Variants in TAFA5 observed in about 807,000 individuals in gnomAD.
TAFA5 encodes chemokine-like protein TAFA-5.
Under a neutral mutation model 15.3 loss-of-function variants are expected in TAFA5, and 6 were observed. That is an observed-to-expected ratio of 0.39 (90% confidence interval 0.21 to 0.77). TAFA5 has a LOEUF of 0.77. Among genes scored for constraint, TAFA5 ranks in the 30% least tolerant of loss-of-function variants. The pLI, the probability that TAFA5 is intolerant of heterozygous loss-of-function variation, is 0.41. For synonymous variants in TAFA5, 103 were observed against 80.7 expected (o/e 1.28, Z -1.48); for missense variants, 161 against 193.1 (o/e 0.83, Z 0.98).
At chr22:48,728,269 A>T (rs1929765778) in intron 3 of TAFA5, among the ~76,000 whole-genome samples, 1 of 152,204 alleles carries the variant, frequency 6.6e-6, no homozygotes. Flanking sequence ...GACTTACACC[A>T]AAAAATAAAA....
Position 48,552,554 on chromosome 22 carries a change from A to G in TAFA5, c.112+62850A>G, listed in dbSNP as rs1216720595. ...CATGGAGACTTCACAGCCCGGCGGA[A>G]CCCACGCCCATGCCCAGCTCTGCCT... On this transcript the variant is annotated intron_variant, in intron 1 of 3. Transcript: ENST00000402357. This position sits in a 1 kb window ranked among gnomAD's most constrained non-coding sequence, Gnocchi z 4.1. Among the ~76,000 whole-genome samples, 2 of 151,888 alleles carry G rather than the reference A, an allele frequency of 1.3e-5. No homozygotes were observed. Among genetic ancestry groups the G allele is most frequent in the African/African-American group, 4.8e-5 (2 of 41,350 alleles).
At chr22:48,740,682 G>C (rs186120053) in intron 3 of TAFA5, among the ~76,000 whole-genome samples, 1 of 152,176 alleles carries the variant, frequency 6.6e-6, no homozygotes, top group Non-Finnish European at 1.5e-5. Context: ...AGCATGTCAC[G>C]TGTCCACCCC....
At chr22:48,524,757 C>T (rs1383164807) in intron 1 of TAFA5, among the ~76,000 whole-genome samples, 5 of 152,092 alleles carry the variant, frequency 3.3e-5, no homozygotes, top group Admixed American at 6.5e-5. Flanking sequence ...CAGGGGTGGG[C>T]GGCCAGACGA....
chr22:48,553,529 A>T (rs1001567054), intron 1 of TAFA5, among the ~76,000 whole-genome samples: 1 of 152,004 alleles, frequency 6.6e-6, no homozygotes, highest in African/African-American at 2.4e-5. Context: ...ATGGTGGGAG[A>T]GGGTGAGGAG....
intron 1 of TAFA5, among the ~76,000 whole-genome samples, chr22:48,512,942 A>T (rs1354308998): frequency 3.1e-3 from 433 of 139,460 alleles, no homozygotes; most frequent in African/African-American, 8.8e-3. Context: ...AAAAAAAAAA[A>T]AAGAGAGAGA....
chr22:48,629,548 C>G (rs1459773938), intron 1 of TAFA5, among the ~76,000 whole-genome samples: 1 of 152,224 alleles, frequency 6.6e-6, no homozygotes, highest in Non-Finnish European at 1.5e-5. Context: ...CATGCATCCT[C>G]TTAAGATTGG....
Position 48,660,846 on chromosome 22 carries a change from C to T in TAFA5, c.262+14100C>T, listed in dbSNP as rs1242895538. On this transcript the variant is annotated intron_variant, in intron 2 of 3. Coordinates refer to ENST00000402357, the MANE Select transcript of TAFA5 (RefSeq NM_001082967.3). ...GGGGTCAGGAGGTGAAGGGAGCAGACACTCTCAGAGCTCCTGGCCCTGGGA... is the reference window on the plus strand; with the variant it reads ...GGGGTCAGGAGGTGAAGGGAGCAGATACTCTCAGAGCTCCTGGCCCTGGGA... Among the ~76,000 whole-genome samples the T allele has an allele frequency of 2.0e-5, 3 of 152,270 alleles. No individual in the cohort carries two copies. In the East Asian group the frequency reaches 5.8e-4, roughly 30 times the overall value.
chr22:48,666,536 A>ATACTGAGGCCCGTGACTAGGTG (rs1569071087), intron 2 of TAFA5, among the ~76,000 whole-genome samples: 2 of 55,980 alleles, frequency 3.6e-5, no homozygotes, highest in East Asian at 1.4e-3. Flanking sequence ...GTGACCAGGC[A>ATACTGAGGCCCGTGACTAGGTG]ATACTGAGAC....
chr22:48,494,443 G>A (rs1319920223), intron 1 of TAFA5, among the ~76,000 whole-genome samples: 1 of 152,208 alleles, frequency 6.6e-6, no homozygotes, highest in Non-Finnish European at 1.5e-5. Context: ...AATCTGATCA[G>A]GTGGCCGGAG....
chr22:48,677,127 T>C (rs1324531558), intron 2 of TAFA5, among the ~76,000 whole-genome samples: 1 of 152,262 alleles, frequency 6.6e-6, no homozygotes, highest in Non-Finnish European at 1.5e-5. Context: ...TCCTGCCCAC[T>C]GGACAGAAAG....
intron 3 of TAFA5, among the ~76,000 whole-genome samples, chr22:48,726,431 A>G (rs538264467): frequency 1.4e-4 from 21 of 151,788 alleles, no homozygotes; most frequent in African/African-American, 2.7e-4. Context: ...TACAGAAACA[A>G]TCCAGTCGTG....
At chr22:48,604,150 C>T (rs1925073909) in intron 1 of TAFA5, among the ~76,000 whole-genome samples, 2 of 152,334 alleles carry the variant, frequency 1.3e-5, no homozygotes, top group African/African-American at 4.8e-5. Context: ...CAGAAAGGGG[C>T]ATTGACGTGC....
At position 48,632,655 on chromosome 22, in the gene TAFA5, G is replaced by A. The variant is rs140263448; in HGVS notation, c.113-13942G>A. ...GCTGGGGAAGCCCCCTCTGGAGGCC[G>A]TTCTCTGTGTTGGGCATTGAAGGGC... On this transcript the variant is annotated intron_variant, in intron 1 of 3. Coordinates refer to ENST00000402357, the MANE Select transcript of TAFA5 (RefSeq NM_001082967.3). Among the ~76,000 whole-genome samples, 933 of 152,306 alleles carry A rather than the reference G, an allele frequency of 6.1e-3. 12 individuals carry two copies. Among genetic ancestry groups the A allele is most frequent in the African/African-American group, 0.021 (873 of 41,572 alleles).
At chr22:48,708,293 C>T (rs1470180880) in intron 3 of TAFA5, among the ~76,000 whole-genome samples, 5 of 152,184 alleles carry the variant, frequency 3.3e-5, no homozygotes, top group Non-Finnish European at 4.4e-5. Flanking sequence ...TCCAGGTGTG[C>T]TCCTTCCGTC....
chr22:48,686,674 A>T (rs1341777386), intron 2 of TAFA5, among the ~76,000 whole-genome samples: 1 of 150,900 alleles, frequency 6.6e-6, no homozygotes, highest in Non-Finnish European at 1.5e-5. Context: ...TGGGTAGATG[A>T]ATGGATAGAT....
At chr22:48,596,197 A>G (rs900242864) in intron 1 of TAFA5, among the ~76,000 whole-genome samples, 1 of 152,250 alleles carries the variant, frequency 6.6e-6, no homozygotes, top group African/African-American at 2.4e-5. Context: ...AAAGTTACCC[A>G]GATAAAGTTG....
chr22:48,589,290 C>T (rs1327987964), intron 1 of TAFA5, among the ~76,000 whole-genome samples: 2 of 152,178 alleles, frequency 1.3e-5, no homozygotes, highest in African/African-American at 4.8e-5. Flanking sequence ...CTCATGGGAT[C>T]ATTTATGTGA....
chr22:48,564,390 C>G (rs968025206), intron 1 of TAFA5, among the ~76,000 whole-genome samples: 3 of 152,236 alleles, frequency 2.0e-5, no homozygotes, highest in Non-Finnish European at 2.9e-5. Flanking sequence ...ATGAAGGAAG[C>G]TGGTGGTTAC....
intron 1 of TAFA5, among the ~76,000 whole-genome samples, chr22:48,518,533 C>G (rs1921494241): frequency 6.6e-6 from 1 of 152,306 alleles, no homozygotes; most frequent in East Asian, 1.9e-4. Context: ...TTTCCAGAAC[C>G]CCAGATTCTG....
Sources: gnomAD v4.1 joint callset for allele counts (sites outside exome capture counted in the v4.1 genomes callset) on GRCh38, gnomAD v4.1.1 for gene constraint, Gnocchi (gnomAD v3.1) non-coding constraint, MANE v1.5 for transcripts, NCBI Gene and HGNC (gene_info 2026-07-23, HGNC 2026-07-21) for gene names.